Variants in SORCS2 observed in about 807,000 individuals in gnomAD.
SORCS2 encodes sortilin related VPS10 domain containing receptor 2.
A neutral mutation model predicts 141.6 loss-of-function variants in SORCS2; 100 were observed. The ratio of observed to expected loss-of-function variants is 0.71; its 90% CI spans 0.60 to 0.83. The LOEUF is 0.83. SORCS2 is among the 40% of genes least tolerant of loss of function. The pLI is 0.00. For synonymous variants in SORCS2, 789 were observed against 676.9 expected (o/e 1.17, Z -2.57); for missense variants, 1,646 against 1,560.2 (o/e 1.05, Z -0.93).
At chr4:7,655,907 T>C (rs1177938455) in intron 5 of SORCS2, among the ~76,000 whole-genome samples, 1 of 152,192 alleles carries the variant, frequency 6.6e-6, no homozygotes, top group Non-Finnish European at 1.5e-5. Context: ...AGAGGGAAAT[T>C]GGCGATAATT....
intron 3 of SORCS2, among the ~76,000 whole-genome samples, chr4:7,533,888 T>C (rs1711871274): frequency 6.6e-6 from 1 of 151,846 alleles, no homozygotes; most frequent in Non-Finnish European, 1.5e-5. Flanking sequence ...AGCAGAGGGG[T>C]TCCTAGGCAG....
At chr4:7,566,957 T>C (rs184798574) in intron 3 of SORCS2, among the ~76,000 whole-genome samples, 1 of 152,350 alleles carries the variant, frequency 6.6e-6, no homozygotes, top group Non-Finnish European at 1.5e-5. Flanking sequence ...TGCTGGGAAA[T>C]GCAGAGGGGG....
chr4:7,565,931 T>G (rs1714958011), intron 3 of SORCS2, among the ~76,000 whole-genome samples: 1 of 149,606 alleles, frequency 6.7e-6, no homozygotes, highest in South Asian at 2.2e-4. Flanking sequence ...ATGATGGCAA[T>G]GATAGTGATG....
At chr4:7,485,143 C>T (rs1459290372) in intron 2 of SORCS2, among the ~76,000 whole-genome samples, 1 of 152,212 alleles carries the variant, frequency 6.6e-6, no homozygotes, top group Admixed American at 6.5e-5. Flanking sequence ...CACACACTCC[C>T]ACTTTCGTTT....
At chr4:7,283,316 A>G (rs2108863463) in intron 1 of SORCS2, among the ~76,000 whole-genome samples, 1 of 152,332 alleles carries the variant, frequency 6.6e-6, no homozygotes, top group Middle Eastern at 3.4e-3. Context: ...CTTGAGGAAG[A>G]GGAGACGTGA....
At chr4:7,725,326 A>C in intron 20 of SORCS2, 39 bp downstream of exon 20, 1 of 1,594,640 alleles carries the variant, frequency 6.3e-7, no homozygotes. Context: ...TTCTTCCCGC[A>C]GGCTCCCCAC....
intron 2 of SORCS2, among the ~76,000 whole-genome samples, chr4:7,492,188 C>T (rs920860202): frequency 1.3e-5 from 2 of 152,234 alleles, no homozygotes; most frequent in South Asian, 2.1e-4. Flanking sequence ...GCCCACCTCC[C>T]GCCACCTGTA....
chr4:7,682,805 T>A lies in SORCS2; in HGVS notation c.1404T>A (p.Leu468=), dbSNP rs777055038. Residue 468 remains leucine, a synonymous_variant, in exon 10 of 27, where the codon CTT becomes CTA. Transcript: ENST00000507866. ...NQKIDGKVMT[L]ITYNKGRDWD... is the part of the protein sequence containing the mutation. ...AAATTGATGGGAAAGTGATGACGCT[T>A]ATAACCTACAACAAGGGCCGCGACT... The A allele has an allele frequency of 1.1e-5, 17 of 1,612,892 alleles. No homozygotes were observed. Among genetic ancestry groups the A allele is most frequent in the Non-Finnish European group, 1.4e-5 (17 of 1,179,438 alleles).
At chr4:7,338,655 C>T (rs1360972644) in intron 1 of SORCS2, among the ~76,000 whole-genome samples, 1 of 152,156 alleles carries the variant, frequency 6.6e-6, no homozygotes, top group Non-Finnish European at 1.5e-5. Flanking sequence ...TGCCCACACC[C>T]CTGTCCCCAT....
At chr4:7,666,640 T>C (rs576750996) in intron 7 of SORCS2, among the ~76,000 whole-genome samples, 1 of 152,324 alleles carries the variant, frequency 6.6e-6, no homozygotes, top group Admixed American at 6.5e-5. Flanking sequence ...GCCACAGTCC[T>C]GTCCTGACGG....
At chr4:7,285,412 C>T (rs1716149689) in intron 1 of SORCS2, among the ~76,000 whole-genome samples, 2 of 152,238 alleles carry the variant, frequency 1.3e-5, no homozygotes, top group South Asian at 4.1e-4. Context: ...AGAGTGGAGA[C>T]ATTAGGATGT....
At chr4:7,634,688 T>C (rs1720130092) in intron 3 of SORCS2, among the ~76,000 whole-genome samples, 1 of 152,158 alleles carries the variant, frequency 6.6e-6, no homozygotes, top group African/African-American at 2.4e-5. Flanking sequence ...GCGCGGGCTG[T>C]GCGTGGTGAC....
chr4:7,315,850 G>A (rs1216117986), intron 1 of SORCS2, among the ~76,000 whole-genome samples: 1 of 152,132 alleles, frequency 6.6e-6, no homozygotes, highest in Non-Finnish European at 1.5e-5. Flanking sequence ...GCAGTGTGGG[G>A]GAGTGGGGGA....
chr4:7,308,491 C>T (rs1055907621), intron 1 of SORCS2, among the ~76,000 whole-genome samples: 6 of 152,156 alleles, frequency 3.9e-5, no homozygotes, highest in African/African-American at 1.4e-4. Context: ...TACATGAAAC[C>T]CATCCCCTTC....
At chr4:7,333,274 C>T (rs1004709373) in intron 1 of SORCS2, among the ~76,000 whole-genome samples, 10 of 152,320 alleles carry the variant, frequency 6.6e-5, no homozygotes, top group Middle Eastern at 3.4e-3. Flanking sequence ...TCCTCTGCCC[C>T]GGGGCTGGAG....
At chr4:7,640,911 A>G (rs1371236286) in intron 4 of SORCS2, among the ~76,000 whole-genome samples, 1 of 152,078 alleles carries the variant, frequency 6.6e-6, no homozygotes, top group Non-Finnish European at 1.5e-5. Context: ...ATGGAATCCA[A>G]TCAGAGGCTA....
Position 7,336,330 on chromosome 4 carries a change from A to G in SORCS2, c.481-59958A>G, listed in dbSNP as rs557919375. Among the ~76,000 whole-genome samples, 29 of 152,268 alleles carry G rather than the reference A, an allele frequency of 1.9e-4. 1 individual carries two copies. In the South Asian group the frequency reaches 6.0e-3, roughly 32 times the overall value. ...TGGCTTCTGGGTGGCGGTGTCTCCC[A>G]GTGGAGAGCTCTGAGACTGCGACTG... is the stretch of plus-strand genomic sequence containing the variant. On this transcript the variant is annotated intron_variant, in intron 1 of 26. Coordinates refer to ENST00000507866, the MANE Select transcript of SORCS2 (RefSeq NM_020777.3).
intron 18 of SORCS2, among the ~76,000 whole-genome samples, chr4:7,719,756 C>G (rs933084575): frequency 2.6e-5 from 4 of 152,320 alleles, no homozygotes; most frequent in East Asian, 1.9e-4. Context: ...TCTGCTGCCC[C>G]CTAGAGCCTG....
At chr4:7,682,913 A>T in intron 10 of SORCS2, 24 bp downstream of exon 10, 1 of 1,609,044 alleles carries the variant, frequency 6.2e-7, no homozygotes, top group Non-Finnish European at 8.5e-7. Flanking sequence ...CTCACATCAC[A>T]CACCATCCTT....
Sources: gnomAD v4.1 joint callset for allele counts (sites outside exome capture counted in the v4.1 genomes callset) on GRCh38, gnomAD v4.1.1 for gene constraint, MANE v1.5 for transcripts, NCBI Gene and HGNC (gene_info 2026-07-23, HGNC 2026-07-21) for gene names.